The following HSD17B3 variants were observed in gnomAD, a reference collection of about 807,000 sequenced individuals.
HSD17B3 encodes hydroxysteroid 17-beta dehydrogenase 3.
A neutral mutation model predicts 41.1 loss-of-function variants in HSD17B3; 29 were observed. The ratio of observed to expected loss-of-function variants is 0.71; its 90% CI spans 0.53 to 0.96. HSD17B3 has a LOEUF of 0.96. Among genes scored for constraint, HSD17B3 ranks in the 40% least tolerant of loss-of-function variants. HSD17B3 has a pLI of 0.00. For synonymous variants in HSD17B3, 126 were observed against 145.6 expected (o/e 0.87, Z 0.97); for missense variants, 323 against 374.6 (o/e 0.86, Z 1.14).
chr9:96,271,254 G>T (rs1043617730), intron 2 of HSD17B3, among the ~76,000 whole-genome samples: 2 of 152,084 alleles, frequency 1.3e-5, no homozygotes, highest in Non-Finnish European at 2.9e-5. Flanking sequence ...GCTGTGGTCA[G>T]GTCTCCATGC....
intron 2 of HSD17B3, among the ~76,000 whole-genome samples, chr9:96,255,232 GAA>G (rs1250446553): frequency 6.6e-6 from 1 of 152,036 alleles, no homozygotes; most frequent in Non-Finnish European, 1.5e-5. Context: ...CCCACAAACT[GAA>G]AGTGCTTCTC....
chr9:96,257,025 C>T (rs536987173), intron 2 of HSD17B3, among the ~76,000 whole-genome samples: 1 of 152,178 alleles, frequency 6.6e-6, no homozygotes, highest in East Asian at 1.9e-4. Context: ...TCTCTTCCTG[C>T]TGCTCCAGGC....
rs570670792 is a variant in HSD17B3, at chr9:96,244,416, C to A, written c.607-22G>T. On this transcript the variant is annotated intron_variant, in intron 8 of 10. Coordinates refer to ENST00000375263, the MANE Select transcript of HSD17B3 (RefSeq NM_000197.2). ...ACGCCTGGAGCAAGAAGGAGAGACA[C>A]CTGAGGCCCCAGAGTGAGCTCCCTC... The A allele has an allele frequency of 1.7e-5, 28 of 1,613,532 alleles. No individual in the cohort carries two copies. The African/African-American group carries it at 3.7e-4, about 22-fold the overall frequency.
Position 96,298,449 on chromosome 9 carries a change from T to C in HSD17B3, c.168A>G (p.Ala56=). Residue 56 remains alanine (A), a synonymous_variant, in exon 2 of 11, where the codon GCA becomes GCG. Coordinates refer to ENST00000375263, the MANE Select transcript of HSD17B3 (RefSeq NM_000197.2). ...AGTACGCTTTCCCAATTCCATCGCCTGCTCCAGTGATCACTGTGAAAAGCA... is the reference window on the plus strand; with the variant it reads ...AGTACGCTTTCCCAATTCCATCGCCCGCTCCAGTGATCACTGTGAAAAGCA... ...SMGQWAVITG[A]GDGIGKAYSF... is the part of the protein sequence containing the mutation. 6.2e-7 allele frequency: 1 copy of C among 1,613,818 alleles called. No individual in the cohort carries two copies. The highest frequency in any genetic ancestry group is 1.1e-5 in the South Asian group (1 of 91,086).
chr9:96,240,770 G>C lies in HSD17B3; in HGVS notation c.810C>G (p.Ala270=), dbSNP rs370952002. The C allele has an allele frequency of 3.1e-6, 5 of 1,614,036 alleles. No homozygotes were observed. The highest frequency in any genetic ancestry group is 4.2e-6 in the Non-Finnish European group (5 of 1,180,044). ...TIGGETCGCL[A]HEILAGFLSL... ...AGTTATCAATTACCAAGATTTCATGGGCAAGGCAGCCACAGGTTTCACCTC... is the reference window on the plus strand; with the variant it reads ...AGTTATCAATTACCAAGATTTCATGCGCAAGGCAGCCACAGGTTTCACCTC... The change falls in exon 10 of 11, where the codon GCC becomes GCG. Residue 270 remains alanine (A), a synonymous_variant. Transcript: ENST00000375263.
Position 96,270,197 on chromosome 9 carries a change from A to G in HSD17B3, c.202-15254T>C, listed in dbSNP as rs146131610. Among the ~76,000 whole-genome samples the G allele has an allele frequency of 3.4e-4, 51 of 152,056 alleles. 1 individual carries two copies. In the East Asian group the frequency reaches 9.7e-3, roughly 29 times the overall value. Reference sequence around the variant, plus strand: ...ACTGATTTTATCATTTTTTGTAACCATATCTATGCATTACATACACTCTTA... The same window carrying G: ...ACTGATTTTATCATTTTTTGTAACCGTATCTATGCATTACATACACTCTTA... On this transcript the variant is annotated intron_variant, in intron 2 of 10. Transcript: ENST00000375263.
chr9:96,268,465 T>C (rs1355948862), intron 2 of HSD17B3, among the ~76,000 whole-genome samples: 1 of 152,068 alleles, frequency 6.6e-6, no homozygotes, highest in African/African-American at 2.4e-5. Context: ...CTACCACCAT[T>C]AAAAATTAAC....
At chr9:96,272,747 T>C (rs772660184) in intron 2 of HSD17B3, among the ~76,000 whole-genome samples, 13 of 151,914 alleles carry the variant, frequency 8.6e-5, no homozygotes, top group Non-Finnish European at 1.8e-4. Flanking sequence ...TATGTTTACA[T>C]AAAAAGCTAT....
At chr9:96,291,978 C>A (rs1170039239) in intron 2 of HSD17B3, among the ~76,000 whole-genome samples, 4 of 151,560 alleles carry the variant, frequency 2.6e-5, no homozygotes. Context: ...AAAAAAAGTT[C>A]AATAAACCAT....
At chr9:96,278,181 T>C (rs909664765) in intron 2 of HSD17B3, among the ~76,000 whole-genome samples, 10 of 152,166 alleles carry the variant, frequency 6.6e-5, no homozygotes, top group Non-Finnish European at 1.3e-4. Flanking sequence ...AACAAGGACA[T>C]AGTTAACATA....
chr9:96,300,875 T>C (rs892573166), intron 1 of HSD17B3, among the ~76,000 whole-genome samples: 1 of 152,060 alleles, frequency 6.6e-6, no homozygotes, highest in Non-Finnish European at 1.5e-5. Context: ...GTTGCCTTGA[T>C]TTTGTAACAC....
chr9:96,260,967 G>A (rs994805046), intron 2 of HSD17B3, among the ~76,000 whole-genome samples: 1 of 152,066 alleles, frequency 6.6e-6, no homozygotes. Context: ...CTTGTTTCAG[G>A]TTTTATGTTC....
chr9:96,296,260 A>C (rs1381948945), intron 2 of HSD17B3, among the ~76,000 whole-genome samples: 1 of 152,092 alleles, frequency 6.6e-6, no homozygotes, highest in Non-Finnish European at 1.5e-5. Context: ...AAGTAAAAGA[A>C]GAAGAAACAT....
At chr9:96,273,560 G>T (rs992884166) in intron 2 of HSD17B3, among the ~76,000 whole-genome samples, 9 of 152,218 alleles carry the variant, frequency 5.9e-5, no homozygotes, top group African/African-American at 2.2e-4. Context: ...CACAGATGCC[G>T]ATCCAAGCCA....
intron 2 of HSD17B3, among the ~76,000 whole-genome samples, chr9:96,265,339 C>T (rs1257998213): frequency 6.6e-6 from 1 of 152,188 alleles, no homozygotes; most frequent in African/African-American, 2.4e-5. Flanking sequence ...GATCTTTTGT[C>T]TTCTTGCTTA....
chr9:96,298,218 T>C (rs1221513774), intron 2 of HSD17B3, among the ~76,000 whole-genome samples, 198 bp downstream of exon 2: 1 of 152,198 alleles, frequency 6.6e-6, no homozygotes, highest in African/African-American at 2.4e-5. Flanking sequence ...TACTGTCACC[T>C]TTGAATATCA....
intron 2 of HSD17B3, among the ~76,000 whole-genome samples, chr9:96,268,026 G>A (rs1273493202): frequency 2.0e-5 from 3 of 152,178 alleles, no homozygotes; most frequent in Non-Finnish European, 4.4e-5. Context: ...CTGGGTTCAA[G>A]CGATTCTCCT....
chr9:96,249,500 T>C (rs1033628352), intron 6 of HSD17B3: 13 of 558,640 alleles, frequency 2.3e-5, no homozygotes, highest in Non-Finnish European at 3.5e-5. Flanking sequence ...TCGAGCTTAG[T>C]ATGTTCCAAC....
At chr9:96,272,401 CTCTCTATATATATATATATA>C (rs1826281674) in intron 2 of HSD17B3, among the ~76,000 whole-genome samples, 1 of 30,686 alleles carries the variant, frequency 3.3e-5, no homozygotes, top group Admixed American at 3.5e-4. Flanking sequence ...CTCTCTCTCT[CTCTCTATATATATATATATA>C]TATATATATA....
Sources: gnomAD v4.1 joint callset for allele counts (sites outside exome capture counted in the v4.1 genomes callset) on GRCh38, gnomAD v4.1.1 for gene constraint, MANE v1.5 for transcripts, NCBI Gene and HGNC (gene_info 2026-07-23, HGNC 2026-07-21) for gene names.